CTNNA3: variants seen among roughly 807,000 people sequenced by gnomAD.
CTNNA3 encodes the protein catenin alpha 3.
Under a neutral mutation model 95.7 loss-of-function variants are expected in CTNNA3, and 76 were observed. That is an observed-to-expected ratio of 0.79 (90% confidence interval 0.66 to 0.96). CTNNA3 has a LOEUF of 0.96. CTNNA3 is among the 40% of genes least tolerant of loss of function. The pLI is 0.00. For missense variants in CTNNA3, 1,191 were observed against 1,089.8 expected, an observed-to-expected ratio of 1.09 and a Z score of -1.31; for synonymous variants, 431 against 374.4, an observed-to-expected ratio of 1.15 and a Z score of -1.74.
chr10:66,497,022 T>G (rs1475556617), intron 11 of CTNNA3, among the ~76,000 whole-genome samples: 1 of 152,104 alleles, frequency 6.6e-6, no homozygotes, highest in African/African-American at 2.4e-5. Context: ...TTCCCTCTTC[T>G]TGCAAGGACA....
intron 12 of CTNNA3, among the ~76,000 whole-genome samples, chr10:66,363,979 C>T (rs562767936): frequency 6.6e-6 from 1 of 152,152 alleles, no homozygotes; most frequent in East Asian, 1.9e-4. Flanking sequence ...AGAACTAAGG[C>T]TTAGACTGGT....
At chr10:66,501,189 G>A (rs577481822) in intron 11 of CTNNA3, among the ~76,000 whole-genome samples, 2 of 152,260 alleles carry the variant, frequency 1.3e-5, no homozygotes, top group East Asian at 3.9e-4. Flanking sequence ...AATTACTATA[G>A]AGATGAATGA....
intron 11 of CTNNA3, among the ~76,000 whole-genome samples, chr10:66,445,778 GC>G (rs1332752167): frequency 6.8e-6 from 1 of 147,576 alleles, no homozygotes; most frequent in South Asian, 2.1e-4. Flanking sequence ...AAAAGCAAGA[GC>G]AAACACATTC....
chr10:65,931,794 C>T (rs1359271660), intron 17 of CTNNA3, among the ~76,000 whole-genome samples: 1 of 152,196 alleles, frequency 6.6e-6, no homozygotes, highest in East Asian at 1.9e-4. Flanking sequence ...ACAGCTGTCT[C>T]CTAGCTGAGA....
intron 7 of CTNNA3, among the ~76,000 whole-genome samples, chr10:67,163,901 CAATT>C (rs543712110): frequency 4.0e-5 from 6 of 151,598 alleles, no homozygotes; most frequent in Middle Eastern, 3.2e-3. Context: ...AAAAATGAAA[CAATT>C]AGGTATAAGT....
intron 7 of CTNNA3, among the ~76,000 whole-genome samples, chr10:66,974,403 G>A (rs1330663230): frequency 6.6e-6 from 1 of 152,136 alleles, no homozygotes; most frequent in East Asian, 1.9e-4. Flanking sequence ...TTCACCTGTT[G>A]GTGTTGATGG....
At chr10:66,169,460 T>C (rs1273104271) in intron 13 of CTNNA3, among the ~76,000 whole-genome samples, 1 of 152,210 alleles carries the variant, frequency 6.6e-6, no homozygotes, top group Admixed American at 6.5e-5. Context: ...TTTGCAATTA[T>C]GAATATTGTA....
chr10:66,270,722 T>C (rs1317757327), intron 13 of CTNNA3, among the ~76,000 whole-genome samples: 1 of 152,054 alleles, frequency 6.6e-6, no homozygotes, highest in African/African-American at 2.4e-5. Context: ...GTGTAGGGTG[T>C]TGGATAAGGC....
intron 9 of CTNNA3, among the ~76,000 whole-genome samples, chr10:66,705,833 C>T (rs1848099696): frequency 6.6e-6 from 1 of 152,060 alleles, no homozygotes; most frequent in African/African-American, 2.4e-5. Flanking sequence ...TCTAGCCCAA[C>T]TATATCTTCC....
intron 10 of CTNNA3, among the ~76,000 whole-genome samples, chr10:66,596,902 C>A (rs1429940394): frequency 6.6e-6 from 1 of 151,598 alleles, no homozygotes; most frequent in East Asian, 1.9e-4. Flanking sequence ...GCACAGTGAA[C>A]CACCAGAGAA....
chr10:67,345,790 T>C (rs1319210778), intron 5 of CTNNA3, among the ~76,000 whole-genome samples: 1 of 152,114 alleles, frequency 6.6e-6, no homozygotes, highest in African/African-American at 2.4e-5. Context: ...AGCCACTCAA[T>C]GTCTTTCGAT....
intron 5 of CTNNA3, among the ~76,000 whole-genome samples, chr10:67,460,505 C>T (rs1017362691): frequency 1.3e-5 from 2 of 152,106 alleles, no homozygotes; most frequent in Non-Finnish European, 2.9e-5. Flanking sequence ...AAGAGACATA[C>T]TGCAATTAGT....
At chr10:66,454,245 T>TA (rs2093481993) in intron 11 of CTNNA3, among the ~76,000 whole-genome samples, 1 of 152,186 alleles carries the variant, frequency 6.6e-6, no homozygotes, top group Admixed American at 6.5e-5. Context: ...TGTAAGATAA[T>TA]AAATGTGTAT....
intron 4 of CTNNA3, among the ~76,000 whole-genome samples, chr10:67,530,752 T>C (rs1840299917): frequency 6.6e-6 from 1 of 152,110 alleles, no homozygotes; most frequent in Non-Finnish European, 1.5e-5. Context: ...ATGGGGAAAA[T>C]GTCTCCAGGG....
chr10:67,471,904 T>A (rs1346906655), intron 5 of CTNNA3, among the ~76,000 whole-genome samples: 1 of 152,210 alleles, frequency 6.6e-6, no homozygotes, highest in African/African-American at 2.4e-5. Context: ...AATAAACAAC[T>A]ATAAGATACA....
At chr10:67,050,064 A>G (rs1238733787) in intron 7 of CTNNA3, among the ~76,000 whole-genome samples, 1 of 152,210 alleles carries the variant, frequency 6.6e-6, no homozygotes, top group Non-Finnish European at 1.5e-5. Context: ...GGCATGCACA[A>G]ATTTCACATA....
chr10:66,765,315 G>T (rs1475903256), intron 9 of CTNNA3, among the ~76,000 whole-genome samples: 2 of 152,172 alleles, frequency 1.3e-5, no homozygotes, highest in African/African-American at 2.4e-5. Flanking sequence ...CTATTTACAA[G>T]CATTTGGGCC....
intron 15 of CTNNA3, among the ~76,000 whole-genome samples, chr10:66,023,308 C>T (rs997870669): frequency 1.3e-5 from 2 of 152,098 alleles, no homozygotes; most frequent in African/African-American, 2.4e-5. Flanking sequence ...CACAACTTTG[C>T]ATTTAGTAAA....
chr10:66,415,290 C>A (rs2394211), intron 11 of CTNNA3, among the ~76,000 whole-genome samples: 17,767 of 151,512 alleles, frequency 0.12, 1,498 homozygotes, highest in African/African-American at 0.24. Context: ...TGACATATGA[C>A]CACTCCTCTC....
Sources: gnomAD v4.1 joint callset for allele counts (sites outside exome capture counted in the v4.1 genomes callset) on GRCh38, gnomAD v4.1.1 for gene constraint, MANE v1.5 for transcripts, NCBI Gene and HGNC (gene_info 2026-07-23, HGNC 2026-07-21) for gene names.